The following NOL4 variants were observed in gnomAD, a reference collection of about 807,000 sequenced individuals.
NOL4 encodes the protein nucleolar protein 4.
Under a neutral mutation model 75.9 loss-of-function variants are expected in NOL4, and 17 were observed. That is an observed-to-expected ratio of 0.22 (90% CI 0.15 to 0.34). The LOEUF (loss-of-function observed/expected upper bound fraction) is 0.34. NOL4 is among the 10% of genes least tolerant of loss of function. The pLI, the probability that NOL4 is intolerant of heterozygous loss-of-function variation, is 1.00. For synonymous variants in NOL4, 292 were observed against 289.9 expected (o/e 1.01, Z -0.07); for missense variants, 614 against 793.5 (o/e 0.77, Z 2.72).
intron 8 of NOL4, among the ~76,000 whole-genome samples, chr18:33,955,976 TTG>T (rs2069615650): frequency 6.6e-6 from 1 of 152,100 alleles, no homozygotes; most frequent in Non-Finnish European, 1.5e-5. Flanking sequence ...TCCCTAAATA[TTG>T]TCATTTGGGT....
At chr18:34,085,365 T>A (rs1319387603) in intron 5 of NOL4, among the ~76,000 whole-genome samples, 2 of 152,152 alleles carry the variant, frequency 1.3e-5, no homozygotes, top group African/African-American at 4.8e-5. Context: ...TGGCAAACAC[T>A]GTCAAGAAGA....
chr18:34,050,179 T>C (rs1481099246), intron 5 of NOL4, among the ~76,000 whole-genome samples: 1 of 152,128 alleles, frequency 6.6e-6, no homozygotes, highest in African/African-American at 2.4e-5. Context: ...CATGATCCTC[T>C]TTTCAGAGCT....
At chr18:33,902,500 T>C (rs2065801678) in intron 9 of NOL4, among the ~76,000 whole-genome samples, 3 of 152,158 alleles carry the variant, frequency 2.0e-5, no homozygotes, top group African/African-American at 7.2e-5. Context: ...ATGTTTTCCT[T>C]GAATACAACT....
At chr18:34,119,617 A>AT (rs1196240414) in intron 2 of NOL4, among the ~76,000 whole-genome samples, 1 of 151,294 alleles carries the variant, frequency 6.6e-6, no homozygotes, top group Non-Finnish European at 1.5e-5. Context: ...TATCTGGGTT[A>AT]TTTTTTTTAT....
chr18:34,072,034 C>G (rs537280399), intron 5 of NOL4, among the ~76,000 whole-genome samples: 1 of 152,046 alleles, frequency 6.6e-6, no homozygotes, highest in Non-Finnish European at 1.5e-5. Flanking sequence ...AGTTCGAGAC[C>G]AGCCTGACCA....
intron 10 of NOL4, among the ~76,000 whole-genome samples, chr18:33,866,307 C>T (rs753846143): frequency 1.3e-5 from 2 of 152,040 alleles, no homozygotes; most frequent in South Asian, 2.1e-4. Context: ...AATTTTTACA[C>T]CAATTAAAAC....
intron 5 of NOL4, among the ~76,000 whole-genome samples, chr18:34,051,425 T>C (rs1450460843): frequency 6.6e-6 from 1 of 152,126 alleles, no homozygotes; most frequent in Admixed American, 6.6e-5. Flanking sequence ...TATTTCTTGT[T>C]CTTTTATACT....
chr18:34,158,694 C>T (rs2146147877), intron 1 of NOL4: 2 of 152,270 alleles, frequency 1.3e-5, no homozygotes, highest in African/African-American at 4.8e-5. Context: ...AGCTATATAT[C>T]CTTCTAATGA....
At chr18:34,150,362 C>A (rs369375799) in intron 1 of NOL4, among the ~76,000 whole-genome samples, 1 of 151,600 alleles carries the variant, frequency 6.6e-6, no homozygotes, top group African/African-American at 2.4e-5. Flanking sequence ...CTGTGGTAAT[C>A]AAGACAGTAT....
At chr18:34,147,704 T>C (rs1375251195) in intron 1 of NOL4, among the ~76,000 whole-genome samples, 1 of 152,134 alleles carries the variant, frequency 6.6e-6, no homozygotes, top group East Asian at 1.9e-4. Context: ...CTGCCAGGCT[T>C]TGGTATCAGG....
intron 9 of NOL4, 38 bp downstream of exon 9, chr18:33,943,027 A>G (rs1393710083): frequency 1.5e-6 from 2 of 1,304,372 alleles, no homozygotes; most frequent in African/African-American, 2.9e-5. Context: ...TACATTTGCT[A>G]TAGCTGGTGT....
chr18:33,985,579 A>G (rs1269711301), intron 6 of NOL4, among the ~76,000 whole-genome samples: 1 of 151,982 alleles, frequency 6.6e-6, no homozygotes, highest in African/African-American at 2.4e-5. Flanking sequence ...AGTCACTCCA[A>G]TTTGTTTTTC....
chr18:34,164,709 A>G (rs899625252), intron 1 of NOL4, among the ~76,000 whole-genome samples: 1 of 152,038 alleles, frequency 6.6e-6, no homozygotes, highest in Non-Finnish European at 1.5e-5. Context: ...TTGAACTAGA[A>G]ATACCATTTG....
At chr18:33,858,193 T>C (rs2062923346) in intron 10 of NOL4, among the ~76,000 whole-genome samples, 1 of 152,124 alleles carries the variant, frequency 6.6e-6, no homozygotes, top group African/African-American at 2.4e-5. Context: ...CTTATTTTTC[T>C]GGACACAATT....
intron 5 of NOL4, among the ~76,000 whole-genome samples, chr18:34,075,373 G>C (rs1478077237): frequency 6.6e-6 from 1 of 152,108 alleles, no homozygotes; most frequent in East Asian, 1.9e-4. Context: ...GAGAATCTAG[G>C]AGTGTGCAGA....
chr18:34,052,478 T>C (rs1327475752), intron 5 of NOL4, among the ~76,000 whole-genome samples: 4 of 152,082 alleles, frequency 2.6e-5, no homozygotes, highest in Non-Finnish European at 5.9e-5. Flanking sequence ...GGAAAATGTG[T>C]TAAACACAAA....
intron 5 of NOL4, among the ~76,000 whole-genome samples, chr18:34,062,908 G>C (rs2077124476): frequency 6.6e-6 from 1 of 152,004 alleles, no homozygotes. Flanking sequence ...ATACAGAACT[G>C]GTTGGACATT....
chr18:33,952,731 C>T (rs1489009726), intron 8 of NOL4, among the ~76,000 whole-genome samples: 1 of 152,182 alleles, frequency 6.6e-6, no homozygotes, highest in East Asian at 1.9e-4. Flanking sequence ...TCAAGACCAG[C>T]CTGACCAACA....
intron 4 of NOL4, among the ~76,000 whole-genome samples, chr18:34,097,077 C>T (rs2078821519): frequency 6.6e-6 from 1 of 152,114 alleles, no homozygotes; most frequent in South Asian, 2.1e-4. Context: ...TATCCACATC[C>T]AATTTCTCTA....
Sources: allele counts gnomAD v4.1 joint callset (sites outside exome capture counted in the v4.1 genomes callset), GRCh38; gene constraint gnomAD v4.1.1; transcripts MANE v1.5; gene names NCBI Gene and HGNC (gene_info 2026-07-23, HGNC 2026-07-21).